MACROD2: variants seen among roughly 807,000 people sequenced by gnomAD.
The protein encoded by MACROD2 is mono-ADP ribosylhydrolase 2, also known as ADP-ribose glycohydrolase MACROD2.
MACROD2 carries 36 observed loss-of-function variants against 70.4 expected under a neutral mutation model. The observed-to-expected ratio is 0.51, with a 90% CI of 0.39 to 0.68. The LOEUF is 0.68. Among genes scored for constraint, MACROD2 ranks in the 30% least tolerant of loss-of-function variants. The probability of loss-of-function intolerance (pLI) is 0.00; values close to 1 mark genes in which losing one functional copy is unlikely to be tolerated. For synonymous variants in MACROD2, 172 were observed against 178.8 expected, an observed-to-expected ratio of 0.96 and a Z score of 0.30; for missense variants, 496 against 538.4, an observed-to-expected ratio of 0.92 and a Z score of 0.78.
chr20:14,387,357 G>GT (rs143346591), intron 3 of MACROD2, among the ~76,000 whole-genome samples: 1,814 of 152,072 alleles, frequency 0.012, 41 homozygotes, highest in African/African-American at 0.042. Context: ...TGTTTAACAA[G>GT]TTTTTTCTAT....
chr20:16,010,752 C>G (rs1027970402), intron 15 of MACROD2, among the ~76,000 whole-genome samples: 1 of 152,162 alleles, frequency 6.6e-6, no homozygotes, highest in Non-Finnish European at 1.5e-5. Context: ...GATTTAGAAG[C>G]CCCTGGCAAT....
intron 8 of MACROD2, among the ~76,000 whole-genome samples, chr20:15,654,433 G>C (rs574307450): frequency 6.6e-6 from 1 of 152,308 alleles, no homozygotes; most frequent in East Asian, 1.9e-4. Context: ...AGAAGTCTAC[G>C]TATTAGGTTG....
At chr20:15,696,681 T>TTTTG (rs199599425) in intron 8 of MACROD2, among the ~76,000 whole-genome samples, 14,119 of 147,850 alleles carry the variant, frequency 0.095, 779 homozygotes, top group South Asian at 0.22. Flanking sequence ...TCCTGGAGTT[T>TTTTG]TTTTTTTTTT....
At chr20:15,719,662 T>G (rs1166814186) in intron 8 of MACROD2, among the ~76,000 whole-genome samples, 2 of 152,174 alleles carry the variant, frequency 1.3e-5, no homozygotes, top group African/African-American at 2.4e-5. Context: ...TTATTTATAT[T>G]TTTTATTGAC....
chr20:15,683,452 T>C (rs1428576852), intron 8 of MACROD2, among the ~76,000 whole-genome samples: 1 of 152,230 alleles, frequency 6.6e-6, no homozygotes, highest in Non-Finnish European at 1.5e-5. Flanking sequence ...GAAAATACTT[T>C]CAAAGCATAT....
rs1440815613 is a variant in MACROD2, at chr20:15,957,553, A to G, written c.908-10000A>G. ...TCCCTCTTGGTCCCTGCTCAATGCC[A>G]TCCTCTCCTGTTCTCAGCTGACTTT... On this transcript the variant is annotated intron_variant, in intron 12 of 17. Coordinates refer to ENST00000684519, the MANE Select transcript of MACROD2 (RefSeq NM_001351661.2). 4.2e-4 allele frequency among the ~76,000 whole-genome samples: 64 copies of G among 152,152 alleles called. 1 individual carries two copies. Among genetic ancestry groups the G allele is most frequent in the Admixed American group, 4.2e-3 (64 of 15,278 alleles).
intron 5 of MACROD2, among the ~76,000 whole-genome samples, chr20:14,973,143 A>C (rs949352380): frequency 1.3e-5 from 2 of 151,934 alleles, no homozygotes; most frequent in Admixed American, 1.3e-4. Context: ...TTGGTCAACC[A>C]TCTGAAGTTC....
At chr20:14,810,580 T>C (rs990415266) in intron 5 of MACROD2, among the ~76,000 whole-genome samples, 1 of 152,120 alleles carries the variant, frequency 6.6e-6, no homozygotes, top group East Asian at 1.9e-4. Context: ...GTATTGGAAG[T>C]TCTGGCCAGG....
At chr20:15,539,418 G>A (rs567692220) in intron 8 of MACROD2, among the ~76,000 whole-genome samples, 2 of 152,144 alleles carry the variant, frequency 1.3e-5, no homozygotes, top group African/African-American at 2.4e-5. Flanking sequence ...CACATGAAAC[G>A]GGCCAAGAAT....
intron 3 of MACROD2, among the ~76,000 whole-genome samples, chr20:14,456,287 C>G (rs2084301395): frequency 6.6e-6 from 1 of 151,826 alleles, no homozygotes; most frequent in Admixed American, 6.6e-5. Flanking sequence ...TTATAATCAT[C>G]TTTGCTCAGT....
At chr20:14,256,391 TTC>T (rs1448129130) in intron 3 of MACROD2, among the ~76,000 whole-genome samples, 2 of 152,198 alleles carry the variant, frequency 1.3e-5, no homozygotes, top group Non-Finnish European at 2.9e-5. Context: ...TGTAGTATTT[TTC>T]TCTTAGTTTT....
intron 2 of MACROD2, among the ~76,000 whole-genome samples, chr20:14,046,267 A>T (rs2053473210): frequency 6.6e-6 from 1 of 152,224 alleles, no homozygotes; most frequent in South Asian, 2.1e-4. Context: ...TGAATGGTAG[A>T]GATCATAGAG....
In MACROD2 at chr20:14,326,996, A is replaced by G; in HGVS notation, c.272-166483A>G. ...TCTTCTATAGTCCTGGGCAAACCCC[A>G]GGGAATTGTGCTAAGGTGATTACGG... On this transcript the variant is annotated intron_variant, in intron 3 of 17. Coordinates refer to ENST00000684519, the MANE Select transcript of MACROD2 (RefSeq NM_001351661.2). The surrounding 1 kb of genome is among the most constrained non-coding windows in gnomAD (Gnocchi z 5.5). 6.2e-7 allele frequency: 1 copy of G among 1,613,768 alleles called. No individual in the cohort carries two copies. Among genetic ancestry groups the G allele is most frequent in the Non-Finnish European group, 8.5e-7 (1 of 1,179,774 alleles).
intron 4 of MACROD2, among the ~76,000 whole-genome samples, chr20:14,585,040 C>T (rs1981282953): frequency 6.6e-6 from 1 of 152,152 alleles, no homozygotes; most frequent in South Asian, 2.1e-4. Flanking sequence ...GTGCCAGTAT[C>T]CTTAGTTGTG....
intron 8 of MACROD2, among the ~76,000 whole-genome samples, chr20:15,556,328 G>A (rs1324721689): frequency 2.0e-5 from 3 of 152,128 alleles, no homozygotes; most frequent in Non-Finnish European, 2.9e-5. Context: ...GATGGATTTA[G>A]GGCACTGTGT....
chr20:14,255,958 G>A (rs868836932), intron 3 of MACROD2, among the ~76,000 whole-genome samples: 12 of 151,736 alleles, frequency 7.9e-5, no homozygotes, highest in African/African-American at 2.7e-4. Context: ...TAAATCTGTG[G>A]CTTCATATTT....
At chr20:14,144,520 T>C (rs1264762925) in intron 3 of MACROD2, among the ~76,000 whole-genome samples, 2 of 152,210 alleles carry the variant, frequency 1.3e-5, no homozygotes, top group African/African-American at 4.8e-5. Context: ...TGTATTTGCC[T>C]GGTCCAGAAC....
intron 8 of MACROD2, among the ~76,000 whole-genome samples, chr20:15,772,411 A>G (rs188446586): frequency 1.3e-5 from 2 of 152,162 alleles, no homozygotes; most frequent in Non-Finnish European, 2.9e-5. Flanking sequence ...TCGTAGGGCT[A>G]TAGCAGAGCT....
chr20:14,542,509 CA>C (rs972192645), intron 4 of MACROD2, among the ~76,000 whole-genome samples: 24 of 152,068 alleles, frequency 1.6e-4, no homozygotes, highest in African/African-American at 5.8e-4. Flanking sequence ...ACATATTTAT[CA>C]AAATTCAATG....
Sources: allele counts gnomAD v4.1 joint callset (sites outside exome capture counted in the v4.1 genomes callset), GRCh38; gene constraint gnomAD v4.1.1; non-coding constraint Gnocchi (gnomAD v3.1); transcripts MANE v1.5; gene names NCBI Gene and HGNC (gene_info 2026-07-23, HGNC 2026-07-21).